The following CCDC91 variants were observed in gnomAD, a reference collection of about 807,000 sequenced individuals.
CCDC91 encodes coiled-coil domain-containing protein 91.
A neutral mutation model predicts 63.2 loss-of-function variants in CCDC91; 48 were observed. The observed-to-expected ratio is 0.76, with a 90% CI of 0.60 to 0.97. The LOEUF (loss-of-function observed/expected upper bound fraction) is 0.97. Among genes scored for constraint, CCDC91 ranks in the 50% least tolerant of loss-of-function variants. The pLI is 0.00. For synonymous variants in CCDC91, 167 were observed against 165.8 expected (o/e 1.01, Z -0.06); for missense variants, 500 against 494.6 (o/e 1.01, Z -0.10).
intron 6 of CCDC91, among the ~76,000 whole-genome samples, chr12:28,331,603 T>A (rs1182184898): frequency 1.3e-5 from 2 of 152,218 alleles, no homozygotes; most frequent in East Asian, 3.8e-4. Context: ...AATTACTTTG[T>A]ATGGCACAGT....
intron 1 of CCDC91, among the ~76,000 whole-genome samples, chr12:28,239,468 C>T (rs540520484): frequency 1.3e-5 from 2 of 152,218 alleles, no homozygotes; most frequent in South Asian, 2.1e-4. Context: ...CCCTGTCAAG[C>T]AGTGTTCATA....
At chr12:28,440,419 GTTAA>G (rs1249696621) in intron 8 of CCDC91, among the ~76,000 whole-genome samples, 1 of 152,138 alleles carries the variant, frequency 6.6e-6, no homozygotes, top group Non-Finnish European at 1.5e-5. Flanking sequence ...TAAAGCTAGA[GTTAA>G]TGATTGCACA....
At chr12:28,201,884 G>A (rs1942473107) in intron 1 of CCDC91, among the ~76,000 whole-genome samples, 1 of 146,048 alleles carries the variant, frequency 6.8e-6, no homozygotes, top group South Asian at 2.1e-4. Context: ...AAAAACCAGT[G>A]AGGCGTGGCG....
intron 6 of CCDC91, among the ~76,000 whole-genome samples, chr12:28,322,330 C>T (rs1940588363): frequency 6.6e-6 from 1 of 151,780 alleles, no homozygotes; most frequent in Non-Finnish European, 1.5e-5. Context: ...CTCTTTACTG[C>T]ATAGGAATTT....
intron 12 of CCDC91, among the ~76,000 whole-genome samples, chr12:28,543,655 T>C (rs1218323957): frequency 6.6e-6 from 1 of 152,036 alleles, no homozygotes. Context: ...GCCTTCTATA[T>C]GGAGATGACG....
chr12:28,233,240 T>C (rs898189809), intron 1 of CCDC91, among the ~76,000 whole-genome samples: 17 of 152,242 alleles, frequency 1.1e-4, no homozygotes, highest in South Asian at 2.1e-4. Flanking sequence ...AGTCTATCTT[T>C]CTCCATACCA....
intron 6 of CCDC91, among the ~76,000 whole-genome samples, chr12:28,334,612 A>T (rs1218830035): frequency 4.6e-5 from 7 of 152,130 alleles, no homozygotes; most frequent in African/African-American, 1.7e-4. Flanking sequence ...CTTGCACATA[A>T]ATTCTGGAGC....
rs185650778 is a variant in CCDC91 at position 28,348,164 on chromosome 12, T to C, written c.577-14274T>C. Among the ~76,000 whole-genome samples the C allele has an allele frequency of 5.3e-5, 8 of 152,362 alleles. No individual in the cohort carries two copies. The East Asian group carries it at 1.2e-3, about 22-fold the overall frequency. On this transcript the variant is annotated intron_variant, in intron 6 of 12. Coordinates refer to ENST00000536442, the MANE Select transcript of CCDC91 (RefSeq NM_018318.5). ...CAAATTCATACAGTATCTTCTACTCTGGTGGAATACTGTCAATTCCTGTCA... is the reference window on the plus strand; with the variant it reads ...CAAATTCATACAGTATCTTCTACTCCGGTGGAATACTGTCAATTCCTGTCA...
intron 1 of CCDC91, among the ~76,000 whole-genome samples, chr12:28,213,158 C>T (rs1328416096): frequency 1.3e-5 from 2 of 152,154 alleles, no homozygotes; most frequent in Non-Finnish European, 1.5e-5. Context: ...CCCCTCTGCC[C>T]CTCCTTTCCC....
intron 3 of CCDC91, among the ~76,000 whole-genome samples, chr12:28,277,938 AAAC>A (rs1183499751): frequency 6.6e-6 from 1 of 151,990 alleles, no homozygotes; most frequent in African/African-American, 2.4e-5. Flanking sequence ...TGGCCCAGTG[AAAC>A]TGAAAATTAC....
chr12:28,242,374 A>G (rs563099019), intron 1 of CCDC91, among the ~76,000 whole-genome samples: 1 of 152,322 alleles, frequency 6.6e-6, no homozygotes, highest in South Asian at 2.1e-4. Flanking sequence ...GCTATTCTGT[A>G]GGAGAGCCCT....
chr12:28,205,293 C>A (rs1202358547), intron 1 of CCDC91, among the ~76,000 whole-genome samples: 1 of 150,632 alleles, frequency 6.6e-6, no homozygotes. Context: ...GGATTAAAGT[C>A]TATATGAATT....
chr12:28,430,429 G>A (rs1379159339), intron 8 of CCDC91, among the ~76,000 whole-genome samples: 2 of 151,914 alleles, frequency 1.3e-5, no homozygotes, highest in Admixed American at 6.6e-5. Flanking sequence ...CTCTGGAATG[G>A]AAATCTTATT....
At chr12:28,192,853 A>AC (rs1285837504) in intron 1 of CCDC91, among the ~76,000 whole-genome samples, 1 of 152,022 alleles carries the variant, frequency 6.6e-6, no homozygotes. Context: ...ATATAATGGA[A>AC]CCACTGCCAC....
At chr12:28,435,962 C>A (rs1274527034) in intron 8 of CCDC91, among the ~76,000 whole-genome samples, 2 of 151,316 alleles carry the variant, frequency 1.3e-5, no homozygotes, top group Non-Finnish European at 3.0e-5. Flanking sequence ...CTTTCTCCAA[C>A]CCTTAATTTT....
intron 3 of CCDC91, among the ~76,000 whole-genome samples, chr12:28,271,220 A>G (rs1228275125): frequency 6.6e-6 from 1 of 152,050 alleles, no homozygotes; most frequent in East Asian, 1.9e-4. Context: ...ACAGAGGGAA[A>G]CAGAGAGCAT....
At chr12:28,422,186 G>A (rs74422505) in intron 8 of CCDC91, among the ~76,000 whole-genome samples, 1,937 of 152,114 alleles carry the variant, frequency 0.013, 48 homozygotes, top group African/African-American at 0.044. Context: ...CTTTAACATA[G>A]TATCCAAAAG....
chr12:28,289,436 T>G (rs1949087122), intron 3 of CCDC91, among the ~76,000 whole-genome samples: 1 of 152,160 alleles, frequency 6.6e-6, no homozygotes, highest in South Asian at 2.1e-4. Flanking sequence ...TCTTCATTAT[T>G]TACCCAAAGT....
At chr12:28,318,662 G>A (rs971580327) in intron 6 of CCDC91, among the ~76,000 whole-genome samples, 4 of 151,942 alleles carry the variant, frequency 2.6e-5, no homozygotes, top group African/African-American at 9.7e-5. Context: ...AACAATATAG[G>A]TACAGGTTTT....
Sources: gnomAD v4.1 joint callset for allele counts (sites outside exome capture counted in the v4.1 genomes callset) on GRCh38, gnomAD v4.1.1 for gene constraint, MANE v1.5 for transcripts, NCBI Gene and HGNC (gene_info 2026-07-23, HGNC 2026-07-21) for gene names.